The following METAP1D variants were observed in gnomAD, a reference collection of about 807,000 sequenced individuals.
The protein encoded by METAP1D is methionine aminopeptidase 1D, mitochondrial.
METAP1D carries 31 observed loss-of-function variants against 40.5 expected under a neutral mutation model. That is an observed-to-expected ratio of 0.77 (90% CI 0.58 to 1.03). The LOEUF (loss-of-function observed/expected upper bound fraction) is 1.03, where lower values mean the gene tolerates loss of function less well. METAP1D is among the 50% of genes least tolerant of loss of function. The pLI is 0.00. For missense variants in METAP1D, 411 were observed against 420.7 expected (o/e 0.98, Z 0.20); for synonymous variants, 151 against 146.4 (o/e 1.03, Z -0.22).
chr2:172,006,110 G>A (rs979781716), intron 1 of METAP1D, among the ~76,000 whole-genome samples: 1 of 151,796 alleles, frequency 6.6e-6, no homozygotes, highest in Admixed American at 6.6e-5. Flanking sequence ...TTCTGTATAT[G>A]TGTATACATG....
chr2:172,024,595 G>A (rs983163138), intron 1 of METAP1D, among the ~76,000 whole-genome samples: 10 of 151,950 alleles, frequency 6.6e-5, no homozygotes, highest in South Asian at 2.1e-4. Context: ...GTAACCCCCC[G>A]CTATATACCT....
intron 1 of METAP1D, among the ~76,000 whole-genome samples, chr2:172,000,884 T>C (rs369995970): frequency 1.3e-5 from 2 of 151,892 alleles, no homozygotes; most frequent in East Asian, 3.9e-4. Context: ...GCCTGTAGTC[T>C]CAGCTATTCT....
chr2:172,040,734 C>T (rs1345740214), intron 1 of METAP1D, among the ~76,000 whole-genome samples: 1 of 144,414 alleles, frequency 6.9e-6, no homozygotes, highest in Non-Finnish European at 1.5e-5. Flanking sequence ...TGCTTTGATA[C>T]ATTCAGGCCC....
intron 1 of METAP1D, among the ~76,000 whole-genome samples, chr2:172,042,786 C>T (rs1449264703): frequency 9.0e-5 from 2 of 22,186 alleles, no homozygotes; most frequent in African/African-American, 2.4e-4. Flanking sequence ...TACACATATA[C>T]GTGTGTGTGT....
chr2:172,063,756 TG>T lies in METAP1D; in HGVS notation c.248del (p.Gly83GlufsTer4). 6.2e-7 allele frequency: 1 copy of T among 1,614,088 alleles called. No homozygotes were observed. The highest frequency in any genetic ancestry group is 8.5e-7 in the Non-Finnish European group (1 of 1,179,996). On this transcript the variant is annotated frameshift_variant, in exon 3 of 10. Transcript: ENST00000315796. LOFTEE classifies it high-confidence loss of function. ...DYVTTGIVPD[W>X]GDSIEVKNED... ...TGTGACGACAGGCATTGTACCAGACTGGGGAGACAGCATAGAAGTTAAGAAT... is the reference window on the plus strand; with the variant it reads ...TGTGACGACAGGCATTGTACCAGACTGGGAGACAGCATAGAAGTTAAGAAT...
chr2:172,050,443 T>TA (rs200704483), intron 1 of METAP1D, among the ~76,000 whole-genome samples: 21 of 152,048 alleles, frequency 1.4e-4, no homozygotes, highest in East Asian at 7.7e-4. Context: ...AGTTTTTTTT[T>TA]AAAAAACTCA....
Position 172,044,686 on chromosome 2 carries a change from C to G in METAP1D, c.41-16812C>G, listed in dbSNP as rs754656883. Among the ~76,000 whole-genome samples, 18 of 134,894 alleles carry G rather than the reference C, an allele frequency of 1.3e-4. 4 individuals carry two copies. The highest frequency in any genetic ancestry group is 2.4e-4 in the Non-Finnish European group (14 of 57,884). The allele number at this position is 134,894 out of a possible 152,430, so 88.5% of individuals were successfully genotyped here. A position where few individuals can be genotyped will look rare whatever the true frequency, so the allele number is the denominator to read the frequency against. On this transcript the variant is annotated intron_variant, in intron 1 of 9. Coordinates refer to ENST00000315796, the MANE Select transcript of METAP1D (RefSeq NM_199227.3). ...ATTTGGGAAGCCGAGGAGGGTGGAT[C>G]ACTTGAAGTCAGGAGTTCGAGACCA...
At chr2:172,021,779 CTGCCATAGGCCAAACTCCCA>C (rs1689013900) in intron 1 of METAP1D, 1 of 152,204 alleles carries the variant, frequency 6.6e-6, no homozygotes, top group South Asian at 2.1e-4. Flanking sequence ...CCTTGGCTCC[CTGCCATAGGCCAAACTCCCA>C]TGCAGAATGA....
intron 1 of METAP1D, chr2:172,021,883 T>G (rs1005746902): frequency 6.6e-6 from 1 of 152,220 alleles, no homozygotes; most frequent in Admixed American, 6.5e-5. Context: ...AAAATGTTTG[T>G]GTATATTTTT....
chr2:172,045,697 A>ATGTGTGTGTGTG (rs1484116141), intron 1 of METAP1D, among the ~76,000 whole-genome samples: 3 of 65,888 alleles, frequency 4.6e-5, no homozygotes, highest in Non-Finnish European at 1.1e-4. Flanking sequence ...TCATTCATAT[A>ATGTGTGTGTGTG]TATGTGTGTG....
intron 1 of METAP1D, among the ~76,000 whole-genome samples, chr2:172,024,800 A>AAGGGGGTT (rs1159776399): frequency 8.4e-6 from 1 of 119,726 alleles, no homozygotes; most frequent in Non-Finnish European, 1.9e-5. Flanking sequence ...TTTAATCTTG[A>AAGGGGGTT]AGGGTCAAAA....
intron 1 of METAP1D, among the ~76,000 whole-genome samples, chr2:172,035,596 T>G (rs1264112250): frequency 1.3e-5 from 2 of 152,192 alleles, no homozygotes; most frequent in African/African-American, 4.8e-5. Context: ...TTCACTTTCT[T>G]GCTTACCTTT....
intron 1 of METAP1D, among the ~76,000 whole-genome samples, chr2:172,002,005 AG>A (rs143924007): frequency 0.47 from 68,391 of 146,300 alleles, 17,361 homozygotes; most frequent in Middle Eastern, 0.65. Flanking sequence ...TGGAGGTGGG[AG>A]GGATCGCCTG....
chr2:172,061,653 A>G lies in METAP1D; in HGVS notation c.196A>G (p.Lys66Glu), dbSNP rs1395806739. 6.2e-7 allele frequency: 1 copy of G among 1,610,922 alleles called. No individual in the cohort carries two copies. The highest frequency in any genetic ancestry group is 8.5e-7 in the Non-Finnish European group (1 of 1,178,704). The change falls in exon 2 of 10, where the codon AAG becomes GAG. Residue 66 changes from lysine to glutamate, a missense_variant and splice_region_variant. Lys to Glu is a moderately conservative substitution (Grantham distance 56, BLOSUM62 1). Transcript: ENST00000315796. ...AGTTTCTTCAGCTCATCCGGTTCCT[A>G]AGGTACTGTATTGCCTATTATCTCC... Reference protein sequence around the residue: ...AAVSSAHPVPKHIKKPDYVTT... With the variant: ...AAVSSAHPVPEHIKKPDYVTT...
Position 172,080,379 on chromosome 2 carries a change from C to T in METAP1D, c.981C>T (p.Ile327=), listed in dbSNP as rs12473549. Residue 327 remains isoleucine, a synonymous_variant, in exon 10 of 10, where the codon ATC becomes ATT. Transcript: ENST00000315796. ...TGATCACGTCGAGGGGCGCGCAGAT[C>T]CTGACCAAACTACCCCATGAGGCCT... is the stretch of plus-strand genomic sequence containing the variant. The part of the protein sequence containing the change: ...TVLITSRGAQ[I]LTKLPHEA The T allele has an allele frequency of 0.018, 28,627 of 1,614,000 alleles. 574 individuals carry two copies. The highest frequency in any genetic ancestry group is 0.098 in the Admixed American group (5,897 of 60,020).
Position 172,082,158 on chromosome 2 carries a change from A to G in METAP1D, c.*1752A>G, listed in dbSNP as rs1381100600. The G allele has an allele frequency of 6.6e-6, 1 of 151,246 alleles. No homozygotes were observed. Among genetic ancestry groups the G allele is most frequent in the African/African-American group, 2.4e-5 (1 of 41,202 alleles). The allele number at this position is 151,246 out of a possible 1,614,324, so 9.4% of individuals were successfully genotyped here. A position where few individuals can be genotyped will look rare whatever the true frequency, so the allele number is the denominator to read the frequency against. On this transcript the variant is annotated 3_prime_UTR_variant, in exon 10 of 10. Coordinates refer to ENST00000315796, the MANE Select transcript of METAP1D (RefSeq NM_199227.3). Reference sequence around the variant, plus strand: ...GCCCCCCACCCCCCCAAAGATCTGAATTCCCTAAAGATCAAGAGGGTTCAG... The same window carrying G: ...GCCCCCCACCCCCCCAAAGATCTGAGTTCCCTAAAGATCAAGAGGGTTCAG...
chr2:172,049,311 A>G (rs1377428685), intron 1 of METAP1D, among the ~76,000 whole-genome samples: 2 of 151,412 alleles, frequency 1.3e-5, no homozygotes, highest in Admixed American at 6.6e-5. Context: ...AGTAACAGAT[A>G]GTTGAACATT....
intron 1 of METAP1D, among the ~76,000 whole-genome samples, chr2:172,034,018 G>T (rs13394990): frequency 0.052 from 7,803 of 149,932 alleles, 749 homozygotes; most frequent in East Asian, 0.48. Context: ...CGGAGGTTGC[G>T]GCGAGTGGAG....
At chr2:172,023,163 G>T (rs1215192389) in intron 1 of METAP1D, among the ~76,000 whole-genome samples, 1 of 152,114 alleles carries the variant, frequency 6.6e-6, no homozygotes, top group Non-Finnish European at 1.5e-5. Context: ...ACTCCTGCCT[G>T]GGCAACAAAA....
Sources: gnomAD v4.1 joint callset for allele counts (sites outside exome capture counted in the v4.1 genomes callset) on GRCh38, gnomAD v4.1.1 for gene constraint, MANE v1.5 for transcripts, NCBI Gene and HGNC (gene_info 2026-07-23, HGNC 2026-07-21) for gene names.